MDGA2: variants seen among roughly 807,000 people sequenced by gnomAD.
The protein encoded by MDGA2 is MAM domain-containing glycosylphosphatidylinositol anchor protein 2.
MDGA2 carries 40 observed loss-of-function variants against 117.8 expected under a neutral mutation model. The observed-to-expected ratio is 0.34, with a 90% CI of 0.26 to 0.44. MDGA2 has a LOEUF of 0.44. MDGA2 is among the 20% of genes least tolerant of loss of function. The pLI is 1.00. For missense variants in MDGA2, 1,123 were observed against 1,250.6 expected (o/e 0.90, Z 1.54); for synonymous variants, 452 against 439.0 (o/e 1.03, Z -0.37).
intron 8 of MDGA2, among the ~76,000 whole-genome samples, chr14:46,978,765 C>A (rs1886561882): frequency 6.6e-6 from 1 of 151,996 alleles, no homozygotes; most frequent in Non-Finnish European, 1.5e-5. Context: ...TAAATCTTTC[C>A]TGAATGACTC....
In MDGA2 at chr14:47,642,384, A is replaced by G. The variant is rs973237857; in HGVS notation, c.280+32133T>C. On this transcript the variant is annotated intron_variant, in intron 1 of 16. Transcript: ENST00000399232. Reference sequence around the variant, plus strand: ...AATATGTATACATTTTAAGACAATAAAGTGAGCTCAAAACATGACTTTGCA... The same window carrying G: ...AATATGTATACATTTTAAGACAATAGAGTGAGCTCAAAACATGACTTTGCA... 2.0e-5 allele frequency among the ~76,000 whole-genome samples: 3 copies of G among 152,126 alleles called. No homozygotes were observed. The East Asian group carries it at 5.8e-4, about 29-fold the overall frequency.
At chr14:47,140,977 G>T (rs990188489) in intron 4 of MDGA2, among the ~76,000 whole-genome samples, 7 of 151,916 alleles carry the variant, frequency 4.6e-5, no homozygotes, top group Admixed American at 3.9e-4. Context: ...ATTTTAAAAT[G>T]GGCAAAAGAT....
chr14:47,448,182 G>T (rs1893166335), intron 1 of MDGA2, among the ~76,000 whole-genome samples: 1 of 151,384 alleles, frequency 6.6e-6, no homozygotes, highest in Non-Finnish European at 1.5e-5. Context: ...ACTGGGTGTT[G>T]CTCTGTCACC....
chr14:46,922,358 C>T (rs1288785066), intron 9 of MDGA2, among the ~76,000 whole-genome samples: 1 of 152,070 alleles, frequency 6.6e-6, no homozygotes, highest in Non-Finnish European at 1.5e-5. Flanking sequence ...GGTAGCTGCC[C>T]ACAAGATGGT....
chr14:47,645,158 G>A (rs1448707031), intron 1 of MDGA2, among the ~76,000 whole-genome samples: 1 of 152,022 alleles, frequency 6.6e-6, no homozygotes, highest in Non-Finnish European at 1.5e-5. Flanking sequence ...CGGAATTTGT[G>A]GGAATTCATT....
intron 8 of MDGA2, among the ~76,000 whole-genome samples, chr14:47,012,987 A>G (rs776139372): frequency 2.6e-5 from 4 of 152,050 alleles, no homozygotes; most frequent in African/African-American, 4.8e-5. Flanking sequence ...ATCGAGTTGT[A>G]CTCTTTTTGC....
At chr14:47,485,300 C>T (rs1802789747) in intron 1 of MDGA2, among the ~76,000 whole-genome samples, 1 of 152,106 alleles carries the variant, frequency 6.6e-6, no homozygotes, top group South Asian at 2.1e-4. Context: ...CATTTTGCCC[C>T]ACCCTAGAAA....
chr14:47,170,431 A>G (rs576436728), intron 3 of MDGA2, among the ~76,000 whole-genome samples: 1 of 152,276 alleles, frequency 6.6e-6, no homozygotes, highest in East Asian at 1.9e-4. Context: ...CATTTCACCC[A>G]ACTTTTACAA....
At chr14:47,163,470 G>A (rs1883727616) in intron 3 of MDGA2, among the ~76,000 whole-genome samples, 1 of 152,006 alleles carries the variant, frequency 6.6e-6, no homozygotes. Context: ...TGGGTCTTGT[G>A]AGATCCGGTG....
intron 14 of MDGA2, among the ~76,000 whole-genome samples, chr14:46,862,369 T>C (rs1265195500): frequency 6.6e-6 from 1 of 150,532 alleles, no homozygotes; most frequent in Non-Finnish European, 1.5e-5. Context: ...AGGTTATTCA[T>C]GGCATTATGC....
intron 1 of MDGA2, among the ~76,000 whole-genome samples, chr14:47,381,482 C>T (rs1387611455): frequency 6.6e-6 from 1 of 152,170 alleles, no homozygotes; most frequent in Non-Finnish European, 1.5e-5. Flanking sequence ...AGCCCAAAAT[C>T]TCCTTAGGCT....
chr14:47,563,134 C>T (rs1895847641), intron 1 of MDGA2, among the ~76,000 whole-genome samples: 1 of 151,794 alleles, frequency 6.6e-6, no homozygotes. Flanking sequence ...AAAAAAATTT[C>T]TGAGGATTGC....
chr14:47,604,999 A>G (rs1162826390), intron 1 of MDGA2, among the ~76,000 whole-genome samples: 1 of 150,240 alleles, frequency 6.7e-6, no homozygotes, highest in Non-Finnish European at 1.5e-5. Context: ...AAACCACTAA[A>G]CTTGGTTGGG....
chr14:47,530,150 G>A (rs1395127214), intron 1 of MDGA2, among the ~76,000 whole-genome samples: 1 of 152,182 alleles, frequency 6.6e-6, no homozygotes. Flanking sequence ...TCTGGGAATG[G>A]AATGCAACCC....
intron 2 of MDGA2, among the ~76,000 whole-genome samples, chr14:47,238,751 A>C (rs1886947717): frequency 6.6e-6 from 1 of 151,760 alleles, no homozygotes; most frequent in South Asian, 2.1e-4. Flanking sequence ...TTCAGGAACA[A>C]AAAGGAGATA....
intron 4 of MDGA2, among the ~76,000 whole-genome samples, chr14:47,136,084 T>C (rs1302267790): frequency 1.3e-5 from 2 of 152,106 alleles, no homozygotes; most frequent in African/African-American, 4.8e-5. Flanking sequence ...TCTTGGAAGA[T>C]ACGTCAAACT....
chr14:47,248,738 C>T (rs1370744555), intron 2 of MDGA2, among the ~76,000 whole-genome samples: 2 of 151,864 alleles, frequency 1.3e-5, no homozygotes, highest in Admixed American at 6.6e-5. Context: ...AAACAGTTTG[C>T]TTAAAAGCAA....
At chr14:47,178,057 T>C (rs1036466739) in intron 3 of MDGA2, among the ~76,000 whole-genome samples, 3 of 152,110 alleles carry the variant, frequency 2.0e-5, no homozygotes, top group African/African-American at 7.2e-5. Flanking sequence ...AGGGATATAT[T>C]ACTTAATATA....
At chr14:47,017,497 C>T (rs779291201) in intron 8 of MDGA2, among the ~76,000 whole-genome samples, 3 of 151,784 alleles carry the variant, frequency 2.0e-5, no homozygotes, top group Non-Finnish European at 4.4e-5. Flanking sequence ...TGAGAAGAGT[C>T]GAGGAACAAA....
Sources: gnomAD v4.1 joint callset for allele counts (sites outside exome capture counted in the v4.1 genomes callset) on GRCh38, gnomAD v4.1.1 for gene constraint, MANE v1.5 for transcripts, NCBI Gene and HGNC (gene_info 2026-07-23, HGNC 2026-07-21) for gene names.